MAGEC2: variants seen among roughly 807,000 people sequenced by gnomAD.
The protein encoded by MAGEC2 is MAGE family member C2.
For missense variants in MAGEC2, 332 were observed against 282.3 expected, an observed-to-expected ratio of 1.18 and a Z score of -1.26; for synonymous variants, 127 against 115.1, an observed-to-expected ratio of 1.10 and a Z score of -0.66.
In MAGEC2 at chrX:142,202,409, G is replaced by A. The variant is rs1438250725; in HGVS notation, c.*457C>T. 8.8e-6 allele frequency: 1 copy of A among 113,579 alleles called. No homozygotes were observed. The highest frequency in any genetic ancestry group is 3.3e-5 in the African/African-American group (1 of 30,449). The allele number at this position is 113,579 out of a possible 1,213,427, so 9.4% of individuals were successfully genotyped here. On this transcript the variant is annotated 3_prime_UTR_variant, in exon 3 of 3. Coordinates refer to ENST00000247452, the MANE Select transcript of MAGEC2 (RefSeq NM_016249.4). ...TCTTCAACAAGCTAAGCAAAGCCAG[G>A]TATATATAATTTTCAAGAACAAAAG...
In MAGEC2 at chrX:142,203,951, C is replaced by A; in HGVS notation, c.37G>T (p.Asp13Tyr). The A allele has an allele frequency of 8.5e-7, 1 of 1,177,483 alleles. No homozygotes were observed. The highest frequency in any genetic ancestry group is 1.8e-5 in the African/African-American group (1 of 56,498). The stretch of plus-strand genomic sequence containing the variant: ...TCAACTGAGGTCGGGGAGTCGTTGT[C>A]AACGTTGCGGAATGGAACGCCTGGA... Reference protein sequence around the residue: ...PVPGVPFRNVDNDSPTSVELE... With the variant: ...PVPGVPFRNVYNDSPTSVELE... Residue 13 changes from aspartate (D) to tyrosine (Y), a missense_variant, in exon 3 of 3, where the codon GAC becomes TAC. By Grantham distance (160) the Asp-to-Tyr change is radical. Transcript: ENST00000247452.
In MAGEC2 at chrX:142,203,730, A is replaced by G. The variant is rs780685020; in HGVS notation, c.258T>C (p.Ser86=). 33 of 1,206,354 alleles carry G rather than the reference A, an allele frequency of 2.7e-5. No individual in the cohort carries two copies. Among genetic ancestry groups the G allele is most frequent in the Non-Finnish European group, 3.5e-5 (31 of 893,836 alleles). The change falls in exon 3 of 3, where the codon AGT becomes AGC. Residue 86 remains serine, a synonymous_variant. Coordinates refer to ENST00000247452, the MANE Select transcript of MAGEC2 (RefSeq NM_016249.4). ...GACCCTGTGGAGGACCCTGTGGAGG[A>G]CTACTGGGAATGCTCTCGGTAAGAT... ...IPNLTESIPS[S]PPQGPPQGPS...
In MAGEC2 at chrX:142,203,406, G is replaced by A; in HGVS notation, c.582C>T (p.Gly194=). 1.7e-6 allele frequency: 2 copies of A among 1,211,416 alleles called. No homozygotes were observed. The highest frequency in any genetic ancestry group is 5.9e-5 in the East Asian group (2 of 33,797). Residue 194 remains glycine (G), a synonymous_variant, in exon 3 of 3, where the codon GGC becomes GGT. Transcript: ENST00000247452. ...RAREFMELLF[G]LALIEVGPDH... is the part of the protein sequence containing the mutation. ...CAGGGCCCACTTCTATCAGGGCAAG[G>A]CCAAAAAGAAGCTCCATGAACTCAC...
Position 142,202,845 on chromosome X carries a change from G to A in MAGEC2, c.*21C>T. Reference sequence around the variant, plus strand: ...CTAAACTGCCCTGTTCAAACACAAGGGGAAGAAACTATCCTAGACTTCACT... The same window carrying A: ...CTAAACTGCCCTGTTCAAACACAAGAGGAAGAAACTATCCTAGACTTCACT... On this transcript the variant is annotated 3_prime_UTR_variant, in exon 3 of 3. Transcript: ENST00000247452. 1.7e-6 allele frequency: 2 copies of A among 1,191,985 alleles called. No individual in the cohort carries two copies. The highest frequency in any genetic ancestry group is 2.3e-6 in the Non-Finnish European group (2 of 885,314).
chrX:142,203,216 C>T lies in MAGEC2; in HGVS notation c.772G>A (p.Val258Ile), dbSNP rs1253527244. 8.3e-7 allele frequency: 1 copy of T among 1,211,540 alleles called. No individual in the cohort carries two copies. Among genetic ancestry groups the T allele is most frequent in the East Asian group, 3.0e-5 (1 of 33,799 alleles). Residue 258 changes from valine to isoleucine, a missense_variant, in exon 3 of 3, where the codon GTA becomes ATA. By Grantham distance (29) the Val-to-Ile change is conservative (BLOSUM62 3). Transcript: ENST00000247452. ...VIWEVLNAVG[V>I]YAGREHFVYG... ...ACGAAGTGCTCCCTCCCAGCATATA[C>T]CCCTACTGCATTCAGCACTTCCCAG... is the stretch of plus-strand genomic sequence containing the variant.
rs779256849 is a variant in MAGEC2 at position 142,203,430 on chromosome X, A to C, written c.558T>G (p.Arg186=). 6.6e-6 allele frequency: 8 copies of C among 1,211,709 alleles called. No individual in the cohort carries two copies. The highest frequency in any genetic ancestry group is 7.8e-6 in the Non-Finnish European group (7 of 895,484). Residue 186 remains arginine (R), a synonymous_variant, in exon 3 of 3, where the codon CGT becomes CGG. Coordinates refer to ENST00000247452, the MANE Select transcript of MAGEC2 (RefSeq NM_016249.4). The part of the protein sequence containing the change: ...DYFPVILKRA[R]EFMELLFGLA... ...GGCCAAAAAGAAGCTCCATGAACTC[A>C]CGGGCTCTCTTGAGTATCACAGGAA...
Position 142,203,507 on chromosome X carries a change from G to A in MAGEC2, c.481C>T (p.Pro161Ser). 1 of 1,211,248 alleles carries A rather than the reference G, an allele frequency of 8.3e-7. No individual in the cohort carries two copies. The highest frequency in any genetic ancestry group is 1.1e-6 in the Non-Finnish European group (1 of 895,328). Reference protein sequence around the residue: ...FLLLKYEAEEPVTEAEMLMIV... With the variant: ...FLLLKYEAEESVTEAEMLMIV... ...ATCAGCATCTCTGCCTCTGTTACAG[G>A]CTCCTCTGCTTCGTATTTGAGGAGC... Residue 161 changes from proline to serine, a missense_variant, in exon 3 of 3, where the codon CCT becomes TCT. Transcript: ENST00000247452.
chrX:142,204,989 TCTGCCCTCTGAGGTGGGGGTTCCCC>T (rs1401430291), intron 1 of MAGEC2, 89 bp downstream of exon 1: 43 of 111,983 alleles, frequency 3.8e-4, no homozygotes, highest in African/African-American at 1.2e-3. Context: ...TCTCTGGGAA[TCTGCCCTCTGAGGTGGGGGTTCCCC>T]CAGCCCTCCT....
At position 142,203,235 on chromosome X, in the gene MAGEC2, T is replaced by C. The variant is rs1167625196; in HGVS notation, c.753A>G (p.Glu251=). Residue 251 remains glutamate (E), a synonymous_variant, in exon 3 of 3, where the codon GAA becomes GAG. Coordinates refer to ENST00000247452, the MANE Select transcript of MAGEC2 (RefSeq NM_016249.4). The part of the protein sequence containing the change: ...GNCASEEVIW[E]VLNAVGVYAG... The stretch of plus-strand genomic sequence containing the variant: ...CATATACCCCTACTGCATTCAGCAC[T>C]TCCCAGATGACCTCCTCAGAGGCAC... 1 of 1,209,290 alleles carries C rather than the reference T, an allele frequency of 8.3e-7. No individual in the cohort carries two copies. The highest frequency in any genetic ancestry group is 1.1e-6 in the Non-Finnish European group (1 of 895,097).
Position 142,203,993 on chromosome X carries a change from C to T in MAGEC2, c.-6G>A. 1 of 1,184,908 alleles carries T rather than the reference C, an allele frequency of 8.4e-7. No individual in the cohort carries two copies. Among genetic ancestry groups the T allele is most frequent in the East Asian group, 3.0e-5 (1 of 33,590 alleles). On this transcript the variant is annotated 5_prime_UTR_variant, in exon 3 of 3. Coordinates refer to ENST00000247452, the MANE Select transcript of MAGEC2 (RefSeq NM_016249.4). The stretch of plus-strand genomic sequence containing the variant: ...ACGCCTGGAACGGGAGGCATGACGA[C>T]TTCTTCAGGAGCAGCAGGTAAACGT...
Position 142,203,250 on chromosome X carries a change from C to T in MAGEC2, c.738G>A (p.Glu246=). 3.3e-6 allele frequency: 4 copies of T among 1,211,601 alleles called. No homozygotes were observed. The highest frequency in any genetic ancestry group is 3.5e-5 in the South Asian group (2 of 56,930). ...CATTCAGCACTTCCCAGATGACCTC[C>T]TCAGAGGCACAGTTGCCCTTTATGA... is the stretch of plus-strand genomic sequence containing the variant. ...VIFIKGNCAS[E]EVIWEVLNAV... Residue 246 remains glutamate (E), a synonymous_variant, in exon 3 of 3, where the codon GAG becomes GAA. Transcript: ENST00000247452.
Position 142,203,355 on chromosome X carries a change from T to G in MAGEC2, c.633A>C (p.Thr211=). The G allele has an allele frequency of 8.3e-7, 1 of 1,211,763 alleles. No individual in the cohort carries two copies. The highest frequency in any genetic ancestry group is 1.1e-6 in the Non-Finnish European group (1 of 895,491). ...GPDHFCVFAN[T]VGLTDEGSDD... is the part of the protein sequence containing the mutation. Reference sequence around the variant, plus strand: ...CACTACCCTCATCGGTGAGGCCTACTGTGTTTGCAAACACACAGAAGTGGT... The same window carrying G: ...CACTACCCTCATCGGTGAGGCCTACGGTGTTTGCAAACACACAGAAGTGGT... The change falls in exon 3 of 3, where the codon ACA becomes ACC. Residue 211 remains threonine, a synonymous_variant. Coordinates refer to ENST00000247452, the MANE Select transcript of MAGEC2 (RefSeq NM_016249.4).
chrX:142,203,679 G>C lies in MAGEC2; in HGVS notation c.309C>G (p.Cys103Trp). 1.7e-6 allele frequency: 2 copies of C among 1,210,720 alleles called. No homozygotes were observed. Among genetic ancestry groups the C allele is most frequent in the Non-Finnish European group, 1.1e-6 (1 of 895,165 alleles). ...QGPSQSPLSS[C>W]CSSFSWSSFS... ...ATGAGCTCCATGAAAAAGAGGAGCA[G>C]CAGGAGCTCAGAGGACTCTGGGAAG... The change falls in exon 3 of 3, where the codon TGC becomes TGG. Residue 103 changes from cysteine to tryptophan, a missense_variant. Coordinates refer to ENST00000247452, the MANE Select transcript of MAGEC2 (RefSeq NM_016249.4).
chrX:142,204,052 G>T lies in MAGEC2; in HGVS notation c.-65C>A, dbSNP rs1056570607. 5.1e-6 allele frequency: 6 copies of T among 1,176,965 alleles called. No individual in the cohort carries two copies. In the Admixed American group the frequency reaches 1.1e-4, roughly 22 times the overall value. On this transcript the variant is annotated splice_region_variant and 5_prime_UTR_variant, in exon 3 of 3. Transcript: ENST00000247452. Reference sequence around the variant, plus strand: ...GGATATGGATGATGAGATCCAACAGGCCTGTGGAAGAGAGTGACAGTGTGA... The same window carrying T: ...GGATATGGATGATGAGATCCAACAGTCCTGTGGAAGAGAGTGACAGTGTGA...
chrX:142,202,516 TAA>T lies in MAGEC2; in HGVS notation c.*348_*349del, dbSNP rs374515121. On this transcript the variant is annotated 3_prime_UTR_variant, in exon 3 of 3. Coordinates refer to ENST00000247452, the MANE Select transcript of MAGEC2 (RefSeq NM_016249.4). ...TTAACTGCTGAGTTATTGCACATTG[TAA>T]AAAAAAAAAAAAATGCCTATTACAA... 7.7e-3 allele frequency: 1,002 copies of T among 130,728 alleles called. No individual in the cohort carries two copies. The highest frequency in any genetic ancestry group is 0.01 in the East Asian group (58 of 5,581). 10.8% of individuals were successfully genotyped at this position (130,728 alleles called of 1,213,427 possible). A position where few individuals can be genotyped will look rare whatever the true frequency, so the allele number is the denominator to read the frequency against.
rs1454384568 is a variant in MAGEC2, at chrX:142,203,643, C to T, written c.345G>A (p.Glu115=). 2 of 1,210,620 alleles carry T rather than the reference C, an allele frequency of 1.7e-6. No individual in the cohort carries two copies. Among genetic ancestry groups the T allele is most frequent in the Non-Finnish European group, 2.2e-6 (2 of 895,278 alleles). The change falls in exon 3 of 3, where the codon GAG becomes GAA. Residue 115 remains glutamate, a synonymous_variant. Transcript: ENST00000247452. ...TATCCTCCCCTTTCTGGCTGCTGGA[C>T]TCCTCACTGAATGAGCTCCATGAAA... The part of the protein sequence containing the change: ...SSFSWSSFSE[E]SSSQKGEDTG...
chrX:142,204,168 C>G, intron 2 of MAGEC2, 115 bp from the exon 3 acceptor site: 6 of 996,345 alleles, frequency 6.0e-6, no homozygotes, highest in Non-Finnish European at 8.5e-6. Context: ...TAGGGCCTCA[C>G]AGGTCTCCTG....
intron 1 of MAGEC2, among the ~76,000 whole-genome samples, 156 bp downstream of exon 1, chrX:142,204,946 AC>A (rs1242545347): frequency 9.0e-6 from 1 of 111,291 alleles, no homozygotes; most frequent in Non-Finnish European, 1.9e-5. Context: ...GGGGAGCTCT[AC>A]GAGGGCTGAT....
chrX:142,202,754 T>A lies in MAGEC2; in HGVS notation c.*112A>T. On this transcript the variant is annotated 3_prime_UTR_variant, in exon 3 of 3. Coordinates refer to ENST00000247452, the MANE Select transcript of MAGEC2 (RefSeq NM_016249.4). ...AACAGGTAAATCTCTACATCACCCA[T>A]ATGGGACAGAAATGCAAAGAACACT... The A allele has an allele frequency of 1.4e-6, 1 of 710,564 alleles. No homozygotes were observed. Among genetic ancestry groups the A allele is most frequent in the South Asian group, 3.1e-5 (1 of 32,712 alleles). 58.6% of individuals were successfully genotyped at this position (710,564 alleles called of 1,213,427 possible). A position where few individuals can be genotyped will look rare whatever the true frequency, so the allele number is the denominator to read the frequency against.
Sources: gnomAD v4.1 joint callset for allele counts (sites outside exome capture counted in the v4.1 genomes callset) on GRCh38, gnomAD v4.1.1 for gene constraint, MANE v1.5 for transcripts, NCBI Gene and HGNC (gene_info 2026-07-23, HGNC 2026-07-21) for gene names.